Variants in CAMK2D observed in about 807,000 individuals in gnomAD.
The protein encoded by CAMK2D is calcium/calmodulin-dependent protein kinase type II subunit delta.
In CAMK2D, 37 loss-of-function variants were observed where a neutral mutation model predicts 84.0. The observed-to-expected ratio is 0.44, with a 90% CI of 0.34 to 0.58. The LOEUF (loss-of-function observed/expected upper bound fraction) is 0.58, where lower values mean the gene tolerates loss of function less well. CAMK2D is among the 20% of genes least tolerant of loss of function. CAMK2D has a pLI of 0.02. For missense variants in CAMK2D, 448 were observed against 652.5 expected, an observed-to-expected ratio of 0.69 and a Z score of 3.41; for synonymous variants, 202 against 212.5, an observed-to-expected ratio of 0.95 and a Z score of 0.43.
intron 4 of CAMK2D, among the ~76,000 whole-genome samples, chr4:113,554,696 T>G (rs2098652490): frequency 6.6e-6 from 1 of 152,192 alleles, no homozygotes; most frequent in South Asian, 2.1e-4. Context: ...TAACATATTT[T>G]TATACTCACA....
At chr4:113,607,540 G>C (rs184433064) in intron 4 of CAMK2D, among the ~76,000 whole-genome samples, 206 of 151,960 alleles carry the variant, frequency 1.4e-3, no homozygotes, top group African/African-American at 4.9e-3. Context: ...CACCGTAACC[G>C]ATCAATTGAC....
intron 8 of CAMK2D, among the ~76,000 whole-genome samples, chr4:113,521,870 A>C (rs2098364802): frequency 6.6e-6 from 1 of 152,170 alleles, no homozygotes; most frequent in South Asian, 2.1e-4. Flanking sequence ...AAATAGATGA[A>C]ATAAGATTAG....
At chr4:113,664,651 A>G (rs562859988) in intron 2 of CAMK2D, among the ~76,000 whole-genome samples, 78 of 152,152 alleles carry the variant, frequency 5.1e-4, no homozygotes, top group Non-Finnish European at 1.1e-3. Flanking sequence ...TCATTATCTT[A>G]TTTAGCCTAA....
At chr4:113,664,008 C>T (rs1302729096) in intron 2 of CAMK2D, among the ~76,000 whole-genome samples, 1 of 151,860 alleles carries the variant, frequency 6.6e-6, no homozygotes. Context: ...TGACTGGTGT[C>T]CATATATGAA....
At chr4:113,747,364 C>G (rs1213743704) in intron 2 of CAMK2D, among the ~76,000 whole-genome samples, 1 of 145,292 alleles carries the variant, frequency 6.9e-6, no homozygotes, top group Admixed American at 7.0e-5. Flanking sequence ...GCTAAAAGTT[C>G]TAGGTCCTCA....
intron 4 of CAMK2D, among the ~76,000 whole-genome samples, chr4:113,573,122 C>T (rs986363271): frequency 1.3e-5 from 2 of 152,118 alleles, no homozygotes; most frequent in Non-Finnish European, 2.9e-5. Flanking sequence ...GATGTAATAG[C>T]GTGTACAACG....
intron 4 of CAMK2D, among the ~76,000 whole-genome samples, chr4:113,569,520 A>G (rs541662915): frequency 4.0e-4 from 61 of 152,382 alleles, no homozygotes; most frequent in Middle Eastern, 3.4e-3. Context: ...TACAACTTGT[A>G]TATATCTATA....
At chr4:113,687,710 T>G (rs1040645887) in intron 2 of CAMK2D, among the ~76,000 whole-genome samples, 2 of 152,202 alleles carry the variant, frequency 1.3e-5, no homozygotes, top group African/African-American at 2.4e-5. Flanking sequence ...AACCACCAGT[T>G]GAAAATGGGG....
chr4:113,673,415 G>C (rs531796687), intron 2 of CAMK2D, among the ~76,000 whole-genome samples: 1 of 152,246 alleles, frequency 6.6e-6, no homozygotes, highest in East Asian at 1.9e-4. Context: ...ATCTCACAAG[G>C]GACAATGCCC....
intron 2 of CAMK2D, among the ~76,000 whole-genome samples, chr4:113,710,549 T>C (rs2099489055): frequency 6.6e-6 from 1 of 152,140 alleles, no homozygotes; most frequent in Non-Finnish European, 1.5e-5. Context: ...TCAAGAAACA[T>C]TGAAAATAAA....
At chr4:113,706,252 TTTAA>T (rs1427697765) in intron 2 of CAMK2D, among the ~76,000 whole-genome samples, 1 of 152,124 alleles carries the variant, frequency 6.6e-6, no homozygotes, top group African/African-American at 2.4e-5. Context: ...AACATGAACT[TTTAA>T]TTAAACTAAA....
intron 2 of CAMK2D, among the ~76,000 whole-genome samples, chr4:113,687,108 T>C (rs1291554522): frequency 6.6e-6 from 1 of 152,228 alleles, no homozygotes; most frequent in Non-Finnish European, 1.5e-5. Context: ...TGAACTGATA[T>C]GGTCGTGACC....
chr4:113,610,687 CA>C (rs1336037332), intron 3 of CAMK2D, among the ~76,000 whole-genome samples: 1 of 152,010 alleles, frequency 6.6e-6, no homozygotes, highest in Non-Finnish European at 1.5e-5. Context: ...ACTGGGAATG[CA>C]GCCAACAGTT....
At chr4:113,568,780 T>C (rs1189253678) in intron 4 of CAMK2D, among the ~76,000 whole-genome samples, 1 of 152,210 alleles carries the variant, frequency 6.6e-6, no homozygotes, top group African/African-American at 2.4e-5. Context: ...GTTTTTATAA[T>C]AGTCACTTTA....
chr4:113,556,534 C>CTGGG (rs1353792463), intron 4 of CAMK2D, among the ~76,000 whole-genome samples: 3 of 152,144 alleles, frequency 2.0e-5, no homozygotes, highest in Admixed American at 2.0e-4. Flanking sequence ...AGGAGTGTTA[C>CTGGG]TGGGTGTCTT....
At chr4:113,749,973 T>G (rs928473691) in intron 2 of CAMK2D, among the ~76,000 whole-genome samples, 4 of 152,240 alleles carry the variant, frequency 2.6e-5, no homozygotes, top group Admixed American at 2.0e-4. Flanking sequence ...TACAGAATCT[T>G]ATTTGGTCAT....
intron 4 of CAMK2D, among the ~76,000 whole-genome samples, chr4:113,600,695 T>A (rs886470657): frequency 1.3e-5 from 2 of 152,192 alleles, no homozygotes; most frequent in African/African-American, 4.8e-5. Context: ...AGCAGTGGCA[T>A]AATCTTGTCT....
intron 2 of CAMK2D, chr4:113,679,537 C>T (rs1592921474): frequency 3.0e-6 from 2 of 675,338 alleles, no homozygotes; most frequent in Non-Finnish European, 3.7e-6. Context: ...AAGAAACCCA[C>T]AGAAATAGTA....
chr4:113,513,404 T>C lies in CAMK2D; in HGVS notation c.904-34A>G, dbSNP rs1560623199. On this transcript the variant is annotated intron_variant, in intron 11 of 20. Coordinates refer to ENST00000511664, the MANE Select transcript of CAMK2D (RefSeq NM_001321571.2). ...AAAATTAGAACACAAAAGTCAGTGT[T>C]GCCTATGCAAATTCTGGACCTAACA... 3.6e-6 allele frequency: 5 copies of C among 1,381,908 alleles called. No individual in the cohort carries two copies. In the East Asian group the frequency reaches 6.9e-5, roughly 19 times the overall value. The allele number at this position is 1,381,908 out of a possible 1,614,324, so 85.6% of individuals were successfully genotyped here.
Sources: allele counts gnomAD v4.1 joint callset (sites outside exome capture counted in the v4.1 genomes callset), GRCh38; gene constraint gnomAD v4.1.1; transcripts MANE v1.5; gene names NCBI Gene and HGNC (gene_info 2026-07-23, HGNC 2026-07-21).